FRMPD2: variants seen among roughly 807,000 people sequenced by gnomAD.
FRMPD2 encodes the protein FERM and PDZ domain-containing protein 2.
In FRMPD2, 96 loss-of-function variants were observed where a neutral mutation model predicts 140.1. The ratio of observed to expected loss-of-function variants is 0.69; its 90% CI spans 0.58 to 0.81. The LOEUF (loss-of-function observed/expected upper bound fraction) is 0.81. Ranked by LOEUF, FRMPD2 falls within the 40% of genes least tolerant of loss-of-function variation. The pLI, the probability that FRMPD2 is intolerant of heterozygous loss-of-function variation, is 0.00. For missense variants in FRMPD2, 1,240 were observed against 1,447.4 expected (o/e 0.86, Z 2.32); for synonymous variants, 449 against 547.6 (o/e 0.82, Z 2.52).
rs759647764 is a variant in FRMPD2 at position 48,236,583 on chromosome 10, A to G, written c.922-30T>C. ...AGGAAAACAGTCACATATGGTAGAG[A>G]AGACAACAGATTCCAGGCTTTGGGT... On this transcript the variant is annotated intron_variant, in intron 8 of 28. Transcript: ENST00000374201. 2.5e-5 allele frequency: 40 copies of G among 1,604,788 alleles called. No individual in the cohort carries two copies. In the South Asian group the frequency reaches 2.6e-4, roughly 11 times the overall value.
chr10:48,186,491 T>C (rs1322127835), intron 17 of FRMPD2, among the ~76,000 whole-genome samples: 1 of 152,226 alleles, frequency 6.6e-6, no homozygotes, highest in Non-Finnish European at 1.5e-5. Context: ...ATTCTCGTGA[T>C]AGTGAATAAG....
chr10:48,260,802 G>A (rs966924041), intron 1 of FRMPD2, among the ~76,000 whole-genome samples: 1 of 152,138 alleles, frequency 6.6e-6, no homozygotes, highest in Non-Finnish European at 1.5e-5. Context: ...ACAAGTGAAA[G>A]AACCAGACTC....
chr10:48,191,686 A>C (rs1838833076), intron 16 of FRMPD2, among the ~76,000 whole-genome samples: 1 of 152,192 alleles, frequency 6.6e-6, no homozygotes, highest in Admixed American at 6.5e-5. Context: ...ATCCCAAAAA[A>C]ACAGCTCCTG....
chr10:48,195,544 A>G (rs1334545971), intron 15 of FRMPD2, among the ~76,000 whole-genome samples: 2 of 152,188 alleles, frequency 1.3e-5, no homozygotes, highest in African/African-American at 2.4e-5. Context: ...AGGCAAGACA[A>G]TACTGGGCTT....
intron 8 of FRMPD2, among the ~76,000 whole-genome samples, 165 bp from the exon 9 acceptor site, chr10:48,236,718 T>C (rs917287731): frequency 1.3e-5 from 2 of 152,176 alleles, no homozygotes; most frequent in African/African-American, 2.4e-5. Flanking sequence ...CCCAGCTGAA[T>C]GGTACATCTT....
chr10:48,242,443 A>G, intron 4 of FRMPD2, 91 bp from the exon 5 acceptor site: 3 of 1,141,528 alleles, frequency 2.6e-6, no homozygotes, highest in Non-Finnish European at 3.8e-6. Context: ...GGAGACATGG[A>G]AACGGGTGTT....
intron 10 of FRMPD2, among the ~76,000 whole-genome samples, chr10:48,225,237 C>A (rs1839696111): frequency 6.6e-6 from 1 of 152,060 alleles, no homozygotes; most frequent in African/African-American, 2.4e-5. Flanking sequence ...TTATCAATAC[C>A]AAAATGAGGT....
chr10:48,222,596 G>C (rs1234504460), intron 11 of FRMPD2, 145 bp from the exon 12 acceptor site: 3 of 819,596 alleles, frequency 3.7e-6, no homozygotes, highest in Non-Finnish European at 5.7e-6. Context: ...ATGCCAGCAA[G>C]ACAAGTGTGG....
chr10:48,253,695 A>AACC (rs1840434858), intron 1 of FRMPD2, among the ~76,000 whole-genome samples: 1 of 152,244 alleles, frequency 6.6e-6, no homozygotes, highest in African/African-American at 2.4e-5. Context: ...CCCTCCGAGA[A>AACC]ATCCTAATGG....
At chr10:48,225,163 C>A (rs187630714) in intron 10 of FRMPD2, among the ~76,000 whole-genome samples, 2 of 152,162 alleles carry the variant, frequency 1.3e-5, no homozygotes, top group Admixed American at 1.3e-4. Flanking sequence ...CCAGCTCAGC[C>A]TCCACACAGT....
chr10:48,192,055 A>C (rs1030800248), intron 16 of FRMPD2, among the ~76,000 whole-genome samples: 5 of 152,308 alleles, frequency 3.3e-5, no homozygotes, highest in South Asian at 2.1e-4. Flanking sequence ...CCTGGCTGAT[A>C]ATAAGGCCAA....
chr10:48,225,943 T>C (rs1217743098), intron 10 of FRMPD2, among the ~76,000 whole-genome samples: 1 of 152,216 alleles, frequency 6.6e-6, no homozygotes, highest in Non-Finnish European at 1.5e-5. Flanking sequence ...ATTCTTTTGG[T>C]TTCACTTTTG....
intron 28 of FRMPD2, 34 bp from the exon 29 acceptor site, chr10:48,157,404 T>C (rs1837812537): frequency 1.3e-6 from 1 of 787,004 alleles, no homozygotes; most frequent in South Asian, 1.4e-5. Context: ...AGCAAATACA[T>C]GGATCCTCAT....
At chr10:48,226,948 T>G (rs1839735255) in intron 10 of FRMPD2, among the ~76,000 whole-genome samples, 1 of 152,164 alleles carries the variant, frequency 6.6e-6, no homozygotes, top group Non-Finnish European at 1.5e-5. Context: ...TTTCTGGCAA[T>G]GAGGATGGGA....
At chr10:48,182,433 C>T (rs142975665) in intron 20 of FRMPD2, among the ~76,000 whole-genome samples, 5 of 152,206 alleles carry the variant, frequency 3.3e-5, no homozygotes, top group Non-Finnish European at 5.9e-5. Context: ...TAGACCATGA[C>T]AGATGCTCAT....
At chr10:48,242,850 C>G (rs563282232) in intron 4 of FRMPD2, among the ~76,000 whole-genome samples, 16 of 152,334 alleles carry the variant, frequency 1.1e-4, no homozygotes, top group South Asian at 6.2e-4. Context: ...CACAAATGCT[C>G]AATCGTTGTT....
In FRMPD2 at chr10:48,168,663, G is replaced by A. The variant is rs150374667; in HGVS notation, c.3469C>T (p.Gln1157Ter). 108 of 1,078,610 alleles carry A rather than the reference G, an allele frequency of 1.0e-4. 25 individuals are homozygous for A. The African/African-American group carries it at 1.8e-3, about 18-fold the overall frequency. The allele number at this position is 1,078,610 out of a possible 1,614,324, so 66.8% of individuals were successfully genotyped here. Residue 1157 changes from glutamine (Q) to a stop codon, truncating the protein, a stop_gained, in exon 27 of 29, where the codon CAG becomes TAG. Transcript: ENST00000374201. LOFTEE classifies it high-confidence loss of function. ...EVLHLLRGAP[Q>*]EVTLLLCRPP... ...CGGCAAAGGAGGAGCGTGACTTCCT[G>A]TGGGGCCCCTCTCAGTAAATGCAGC...
intron 28 of FRMPD2, among the ~76,000 whole-genome samples, chr10:48,161,166 C>T (rs576955428): frequency 3.3e-5 from 5 of 150,462 alleles, no homozygotes; most frequent in Admixed American, 2.6e-4. Context: ...CATGTGGGCC[C>T]GGCAGTGAGT....
At chr10:48,215,010 A>T (rs969961453) in intron 12 of FRMPD2, among the ~76,000 whole-genome samples, 1 of 152,222 alleles carries the variant, frequency 6.6e-6, no homozygotes, top group Non-Finnish European at 1.5e-5. Flanking sequence ...ACCCAGAGGA[A>T]AGTTATTCTG....
Sources: allele counts gnomAD v4.1 joint callset (sites outside exome capture counted in the v4.1 genomes callset), GRCh38; gene constraint gnomAD v4.1.1; transcripts MANE v1.5; gene names NCBI Gene and HGNC (gene_info 2026-07-23, HGNC 2026-07-21).